The following HDAC8 variants were observed in gnomAD, a reference collection of about 807,000 sequenced individuals.
HDAC8 encodes histone deacetylase 8.
In HDAC8, 1 loss-of-function variant was observed where a neutral mutation model predicts 32.2. That is an observed-to-expected ratio of 0.03 (90% CI 0.01 to 0.15). The LOEUF (loss-of-function observed/expected upper bound fraction) is 0.15, where lower values mean the gene tolerates loss of function less well. Ranked by LOEUF, HDAC8 falls within the 10% of genes least tolerant of loss-of-function variation. HDAC8 has a pLI of 1.00. For missense variants in HDAC8, 117 were observed against 300.0 expected (o/e 0.39, Z 4.51); for synonymous variants, 108 against 113.9 (o/e 0.95, Z 0.33).
At chrX:72,445,559 AG>A (rs1867128470) in intron 9 of HDAC8, among the ~76,000 whole-genome samples, 1 of 112,431 alleles carries the variant, frequency 8.9e-6, no homozygotes. Context: ...CTTAAATGTT[AG>A]AGCTAAAACC....
chrX:72,360,092 C>T (rs1176008552), intron 9 of HDAC8, among the ~76,000 whole-genome samples: 10 of 107,937 alleles, frequency 9.3e-5, no homozygotes, highest in African/African-American at 3.1e-4. Context: ...CGTGGTGGCT[C>T]ACGCCTGTAA....
chrX:72,423,872 G>T (rs932744960), intron 9 of HDAC8, among the ~76,000 whole-genome samples: 37 of 111,734 alleles, frequency 3.3e-4, no homozygotes, highest in African/African-American at 1.1e-3. Context: ...TACAGAGCTG[G>T]TGTCTTGGAG....
In HDAC8 at chrX:72,417,344, T is replaced by C. The variant is rs191987108; in HGVS notation, c.1005+44660A>G. On this transcript the variant is annotated intron_variant, in intron 9 of 10. Coordinates refer to ENST00000373573, the MANE Select transcript of HDAC8 (RefSeq NM_018486.3). ...TATACCTAGAAAATGCCACAGTCTC[T>C]GCTCAAAAGTTCCTACATCTGAAAA... 2.9e-3 allele frequency among the ~76,000 whole-genome samples: 324 copies of C among 111,913 alleles called. 1 individual carries two copies. The highest frequency in any genetic ancestry group is 0.01 in the African/African-American group (319 of 30,903).
At chrX:72,508,446 A>G in intron 4 of HDAC8, among the ~76,000 whole-genome samples, 1 of 112,473 alleles carries the variant, frequency 8.9e-6, no homozygotes. Flanking sequence ...CCAAGGAAAC[A>G]TAGGTAGAAA....
chrX:72,340,843 G>A (rs2043869941), intron 10 of HDAC8, among the ~76,000 whole-genome samples: 1 of 111,660 alleles, frequency 9.0e-6, no homozygotes, highest in Non-Finnish European at 1.9e-5. Context: ...AGAAACAGTC[G>A]CTAACTGTGG....
chrX:72,442,052 C>T (rs370704265), intron 9 of HDAC8, among the ~76,000 whole-genome samples: 5 of 111,097 alleles, frequency 4.5e-5, no homozygotes, highest in East Asian at 2.8e-4. Context: ...ACCAAATCTA[C>T]GTCTGATTGG....
intron 9 of HDAC8, among the ~76,000 whole-genome samples, chrX:72,355,683 T>C (rs1228084604): frequency 1.8e-5 from 2 of 112,029 alleles, no homozygotes; most frequent in Non-Finnish European, 3.8e-5. Flanking sequence ...GCTCTTTTCT[T>C]GTTCATGTCT....
At position 72,436,022 on chromosome X, in the gene HDAC8, T is replaced by C. The variant is rs193065334; in HGVS notation, c.1005+25982A>G. Among the ~76,000 whole-genome samples, 5 of 109,013 alleles carry C rather than the reference T, an allele frequency of 4.6e-5. No individual in the cohort carries two copies. In the Admixed American group the frequency reaches 4.9e-4, roughly 11 times the overall value. 94.7% of individuals were successfully genotyped at this position (109,013 alleles called of 115,157 possible). ...AAACAGAGCAACAGCAATCACCCAA[T>C]CTAGACAATGGAGAGAAAAGAAACT... is the stretch of plus-strand genomic sequence containing the variant. On this transcript the variant is annotated intron_variant, in intron 9 of 10. Coordinates refer to ENST00000373573, the MANE Select transcript of HDAC8 (RefSeq NM_018486.3).
At chrX:72,379,490 G>GTTTTTTTTTTTTTT (rs1191306787) in intron 9 of HDAC8, among the ~76,000 whole-genome samples, 1 of 38,895 alleles carries the variant, frequency 2.6e-5, no homozygotes, top group Non-Finnish European at 4.4e-5. Flanking sequence ...TTTGTTTAGT[G>GTTTTTTTTTTTTTT]TTTTTTTTTT....
chrX:72,483,440 T>C (rs1556004133), intron 7 of HDAC8, among the ~76,000 whole-genome samples: 1 of 111,144 alleles, frequency 9.0e-6, no homozygotes, highest in Admixed American at 9.6e-5. Flanking sequence ...TGCTCCCTCT[T>C]GTGTGATATG....
At chrX:72,474,996 T>C (rs2048291841) in intron 7 of HDAC8, among the ~76,000 whole-genome samples, 1 of 111,420 alleles carries the variant, frequency 9.0e-6, no homozygotes, top group South Asian at 3.8e-4. Context: ...AGCAATGGTG[T>C]TATAGTCACC....
At chrX:72,386,203 A>G (rs1319295789) in intron 9 of HDAC8, among the ~76,000 whole-genome samples, 1 of 112,466 alleles carries the variant, frequency 8.9e-6, no homozygotes, top group Admixed American at 9.4e-5. Context: ...TCACTGAATA[A>G]AACAATAAAA....
intron 10 of HDAC8, among the ~76,000 whole-genome samples, chrX:72,344,075 A>G (rs112965503): frequency 0.031 from 3,507 of 111,624 alleles, 138 homozygotes; most frequent in African/African-American, 0.11. Context: ...GAGAGCCTGA[A>G]TTCTACTCCA....
At chrX:72,419,904 A>G (rs1246593350) in intron 9 of HDAC8, among the ~76,000 whole-genome samples, 1 of 111,310 alleles carries the variant, frequency 9.0e-6, no homozygotes, top group African/African-American at 3.3e-5. Context: ...GATGCATTTC[A>G]TTGATCGATT....
At chrX:72,387,873 A>G (rs906939863) in intron 9 of HDAC8, among the ~76,000 whole-genome samples, 1 of 110,968 alleles carries the variant, frequency 9.0e-6, no homozygotes, top group Non-Finnish European at 1.9e-5. Context: ...TTACAATACA[A>G]TATAATAAGG....
chrX:72,498,013 A>T (rs2049081349), intron 4 of HDAC8, among the ~76,000 whole-genome samples: 1 of 111,021 alleles, frequency 9.0e-6, no homozygotes, highest in Non-Finnish European at 1.9e-5. Flanking sequence ...ATATAGATAT[A>T]GAAAGTTGTA....
intron 4 of HDAC8, among the ~76,000 whole-genome samples, chrX:72,525,171 T>C (rs1237799117): frequency 8.9e-6 from 1 of 112,468 alleles, no homozygotes; most frequent in African/African-American, 3.2e-5. Context: ...TATCTTTTCA[T>C]AGGTTGGTCT....
chrX:72,393,543 C>T (rs150066541), intron 9 of HDAC8, among the ~76,000 whole-genome samples: 7 of 111,877 alleles, frequency 6.3e-5, no homozygotes, highest in African/African-American at 2.0e-4. Flanking sequence ...GGTCTCGCTA[C>T]GTCCCTCAGT....
At chrX:72,395,148 G>A (rs2045726488) in intron 9 of HDAC8, among the ~76,000 whole-genome samples, 2 of 112,738 alleles carry the variant, frequency 1.8e-5, no homozygotes, top group African/African-American at 6.4e-5. Flanking sequence ...AACAAGGTCA[G>A]AAGATTTGGA....
Sources: allele counts gnomAD v4.1 joint callset (sites outside exome capture counted in the v4.1 genomes callset), GRCh38; gene constraint gnomAD v4.1.1; transcripts MANE v1.5; gene names NCBI Gene and HGNC (gene_info 2026-07-23, HGNC 2026-07-21).